HDGF: variants seen among roughly 807,000 people sequenced by gnomAD.
HDGF encodes the protein heparin binding growth factor.
In HDGF, 5 loss-of-function variants were observed where a neutral mutation model predicts 30.0. The observed-to-expected ratio is 0.17, with a 90% confidence interval of 0.09 to 0.35. The LOEUF (loss-of-function observed/expected upper bound fraction) is 0.35, where lower values mean the gene tolerates loss of function less well. Ranked by LOEUF, HDGF falls within the 10% of genes least tolerant of loss-of-function variation. The pLI is 1.00. For missense variants in HDGF, 214 were observed against 302.8 expected, an observed-to-expected ratio of 0.71 and a Z score of 2.18; for synonymous variants, 133 against 112.7, an observed-to-expected ratio of 1.18 and a Z score of -1.14.
At position 156,758,592 on chromosome 1, in the gene HDGF, C is replaced by CA. The variant is rs146810668; in HGVS notation, n.373+390dup. 2.1e-3 allele frequency among the ~76,000 whole-genome samples: 181 copies of CA among 85,968 alleles called. 3 individuals are homozygous for CA. The highest frequency in any genetic ancestry group is 5.9e-3 in the African/African-American group (108 of 18,248). The allele number at this position is 85,968 out of a possible 152,430, so 56.4% of individuals were successfully genotyped here. A position where few individuals can be genotyped will look rare whatever the true frequency, so the allele number is the denominator to read the frequency against. Reference sequence around the variant, plus strand: ...TGGGTGACAGAGCGAGACTCCGTCTCAAAAAAAAAAATAAATAAATAAATA... The same window carrying CA: ...TGGGTGACAGAGCGAGACTCCGTCTCAAAAAAAAAAAATAAATAAATAAATA... On this transcript the variant is annotated intron_variant and non_coding_transcript_variant, in intron 2 of 7. Coordinates refer to the HDGF transcript ENST00000465180.
upstream of HDGF, among the ~76,000 whole-genome samples, chr1:156,754,301 A>G (rs900152192): frequency 6.6e-6 from 1 of 152,214 alleles, no homozygotes; most frequent in South Asian, 2.1e-4. Flanking sequence ...ACTTTGTTGC[A>G]TCATAATAGC....
chr1:156,754,738 G>T (rs543178186), upstream of HDGF, among the ~76,000 whole-genome samples: 1 of 152,326 alleles, frequency 6.6e-6, no homozygotes, highest in South Asian at 2.1e-4. Flanking sequence ...GAGGTCAGGA[G>T]TTCAAGACCA....
At position 156,761,839 on chromosome 1, in the gene HDGF, C is replaced by T. The variant is rs372396007; in HGVS notation, n.137-2620G>A. ...GCATGCGCCTATAGTCCCAGCTACTCGGGAGGCTGAGGCAGGAGAATCACT... is the reference window on the plus strand; with the variant it reads ...GCATGCGCCTATAGTCCCAGCTACTTGGGAGGCTGAGGCAGGAGAATCACT... On this transcript the variant is annotated intron_variant and non_coding_transcript_variant, in intron 1 of 7. Transcript: ENST00000465180. 4.9e-4 allele frequency among the ~76,000 whole-genome samples: 65 copies of T among 133,674 alleles called. 1 individual carries two copies. Among genetic ancestry groups the T allele is most frequent in the Middle Eastern group, 5.6e-3 (1 of 178 alleles). 87.7% of individuals were successfully genotyped at this position (133,674 alleles called of 152,430 possible). A position where few individuals can be genotyped will look rare whatever the true frequency, so the allele number is the denominator to read the frequency against.
Position 156,743,827 on chromosome 1 carries a change from CCTT to C in HDGF, c.538_540del (p.Lys180del). ...CTCTCAACCTCCAAGGTGGCTGCCT[CCTT>C]CTCCTCTCCTTCAGGGTTTTCTGCC... is the stretch of plus-strand genomic sequence containing the variant. On this transcript the variant is annotated inframe_deletion, in exon 5 of 6. Transcript: ENST00000357325. 1 of 1,612,560 alleles carries C rather than the reference CCTT, an allele frequency of 6.2e-7. No individual in the cohort carries two copies. The highest frequency in any genetic ancestry group is 8.5e-7 in the Non-Finnish European group (1 of 1,179,250).
At chr1:156,753,458 T>G (rs1442270971), upstream of HDGF, among the ~76,000 whole-genome samples, 1 of 152,238 alleles carries the variant, frequency 6.6e-6, no homozygotes, top group Non-Finnish European at 1.5e-5. Flanking sequence ...AATCTTTTTG[T>G]TAGGAGAGAG....
intron 5 of HDGF, 24 bp downstream of exon 5, chr1:156,743,628 C>G: frequency 6.3e-7 from 1 of 1,587,394 alleles, no homozygotes; most frequent in Non-Finnish European, 8.7e-7. Flanking sequence ...GTCCAGCTGC[C>G]AAGGGGTCAG....
chr1:156,761,243 G>C (rs1179578731), intron 1 of HDGF, among the ~76,000 whole-genome samples: 1 of 151,852 alleles, frequency 6.6e-6, no homozygotes, highest in African/African-American at 2.4e-5. Flanking sequence ...ATAGGAGGTG[G>C]AGGTTGCAGT....
upstream of HDGF, among the ~76,000 whole-genome samples, chr1:156,756,077 C>A (rs958398558): frequency 6.6e-6 from 1 of 152,082 alleles, no homozygotes; most frequent in Non-Finnish European, 1.5e-5. Context: ...ATGGGGAAAC[C>A]CCATCTCTAC....
intron 1 of HDGF, among the ~76,000 whole-genome samples, chr1:156,760,011 G>A (rs1444765783): frequency 6.6e-6 from 1 of 152,198 alleles, no homozygotes; most frequent in Non-Finnish European, 1.5e-5. Flanking sequence ...ACTTTGCAAA[G>A]TGAAAAAGAT....
intron 1 of HDGF, among the ~76,000 whole-genome samples, chr1:156,765,900 A>G (rs1301952839): frequency 1.3e-5 from 2 of 152,214 alleles, no homozygotes; most frequent in African/African-American, 4.8e-5. Flanking sequence ...TGTGCAAGGC[A>G]TACTAGCTGT....
intron 1 of HDGF, among the ~76,000 whole-genome samples, chr1:156,747,250 GCCC>G (rs1314352449): frequency 9.9e-4 from 14 of 14,180 alleles, no homozygotes; most frequent in African/African-American, 3.3e-3. Context: ...CCTCCCCCCC[GCCC>G]CCCCCCCCCC....
intron 1 of HDGF, chr1:156,747,582 A>G (rs1223022226): frequency 6.6e-6 from 1 of 152,044 alleles, no homozygotes; most frequent in Non-Finnish European, 1.5e-5. Context: ...GCATAGGACA[A>G]TAATAGCAAA....
At chr1:156,752,418 T>A, upstream of HDGF, 1 of 1,475,958 alleles carries the variant, frequency 6.8e-7, no homozygotes, top group South Asian at 1.2e-5. Context: ...ACTCAACGGC[T>A]AGCTAACCCC....
chr1:156,765,291 C>T (rs1651334794), intron 1 of HDGF, among the ~76,000 whole-genome samples: 1 of 149,780 alleles, frequency 6.7e-6, no homozygotes. Context: ...CGGGGTTTCT[C>T]CATGTTGGTC....
intron 1 of HDGF, among the ~76,000 whole-genome samples, chr1:156,750,947 A>G (rs7546819): frequency 1 from 150,999 of 151,216 alleles, 75,391 homozygotes; most frequent in Middle Eastern, 1. Flanking sequence ...GGGGTCTTAA[A>G]GGGGGTGGCG....
Position 156,743,179 on chromosome 1 carries a change from A to G in HDGF, c.*270T>C. The G allele has an allele frequency of 2.5e-6, 1 of 396,432 alleles. No individual in the cohort carries two copies. Among genetic ancestry groups the G allele is most frequent in the Non-Finnish European group, 4.5e-6 (1 of 222,174 alleles). 24.6% of individuals were successfully genotyped at this position (396,432 alleles called of 1,614,324 possible). A position where few individuals can be genotyped will look rare whatever the true frequency, so the allele number is the denominator to read the frequency against. ...AGCCTGGAAAATAGCTCCAAGCGGA[A>G]GGAACACAGTGGCCTCAACTCATTC... On this transcript the variant is annotated 3_prime_UTR_variant, in exon 6 of 6. Transcript: ENST00000357325.
chr1:156,744,381 C>G (rs775605986), intron 3 of HDGF, 33 bp from the exon 4 acceptor site: 18 of 1,611,026 alleles, frequency 1.1e-5, no homozygotes, highest in Non-Finnish European at 1.4e-5. Context: ...TGAGTGGCAC[C>G]AGTCGCTGCC....
upstream of HDGF, chr1:156,755,627 C>T (rs1651143183): frequency 6.6e-6 from 1 of 152,222 alleles, no homozygotes; most frequent in South Asian, 2.1e-4. Flanking sequence ...ACTGTGTGAC[C>T]TACTCACATC....
chr1:156,744,831 C>T (rs1271601911), intron 3 of HDGF, among the ~76,000 whole-genome samples, 177 bp downstream of exon 3: 1 of 152,136 alleles, frequency 6.6e-6, no homozygotes, highest in East Asian at 1.9e-4. Context: ...ACAACTACAC[C>T]ACACAGCCCA....
Sources: gnomAD v4.1 joint callset for allele counts (sites outside exome capture counted in the v4.1 genomes callset) on GRCh38, gnomAD v4.1.1 for gene constraint, MANE v1.5 for transcripts, NCBI Gene and HGNC (gene_info 2026-07-23, HGNC 2026-07-21) for gene names.